The following TGM3 variants were observed in gnomAD, a reference collection of about 807,000 sequenced individuals.
TGM3 encodes the protein transglutaminase 3.
TGM3 carries 52 observed loss-of-function variants against 73.8 expected under a neutral mutation model. The observed-to-expected ratio is 0.70, with a 90% confidence interval of 0.56 to 0.89. TGM3 has a LOEUF of 0.89. TGM3 is among the 40% of genes least tolerant of loss of function. TGM3 has a pLI of 0.00. For missense variants in TGM3, 928 were observed against 909.9 expected, an observed-to-expected ratio of 1.02 and a Z score of -0.26; for synonymous variants, 372 against 354.9, an observed-to-expected ratio of 1.05 and a Z score of -0.54.
At chr20:2,326,058 T>C (rs1325771121) in intron 8 of TGM3, 106 bp downstream of exon 8, 42 of 1,117,190 alleles carry the variant, frequency 3.8e-5, no homozygotes, top group Non-Finnish European at 4.1e-5. Context: ...CTGGAATGCA[T>C]GATGGGATTA....
chr20:2,302,549 T>C (rs1337642474), intron 1 of TGM3, among the ~76,000 whole-genome samples: 5 of 152,000 alleles, frequency 3.3e-5, no homozygotes, highest in African/African-American at 1.2e-4. Flanking sequence ...CCTAGCTCTG[T>C]CCAGTCTCCT....
At chr20:2,336,351 C>T (rs2084351187) in intron 11 of TGM3, among the ~76,000 whole-genome samples, 1 of 152,130 alleles carries the variant, frequency 6.6e-6, no homozygotes, top group Non-Finnish European at 1.5e-5. Context: ...TCAAGAGCCT[C>T]ATGGGCCAGG....
At chr20:2,322,228 C>A (rs2084266271) in intron 7 of TGM3, among the ~76,000 whole-genome samples, 1 of 152,122 alleles carries the variant, frequency 6.6e-6, no homozygotes, top group Non-Finnish European at 1.5e-5. Flanking sequence ...AAATAAAAAT[C>A]ATTTCTGATC....
chr20:2,326,359 A>T (rs1032212048), intron 8 of TGM3, among the ~76,000 whole-genome samples: 1 of 152,146 alleles, frequency 6.6e-6, no homozygotes, highest in African/African-American at 2.4e-5. Context: ...CTGCCACACC[A>T]AGCTCCCCCT....
At position 2,317,113 on chromosome 20, in the gene TGM3, G is replaced by A. The variant is rs200714008; in HGVS notation, c.715G>A (p.Gly239Ser). The change falls in exon 6 of 13, where the codon GGC becomes AGC. Residue 239 changes from glycine (G) to serine (S), a missense_variant. Transcript: ENST00000381458. Reference sequence around the variant, plus strand: ...TGGTGTGCTTGCTGGGAATTGGAGCGGCACTTACACCGGTGGCCGGGACCC... The same window carrying A: ...TGGTGTGCTTGCTGGGAATTGGAGCAGCACTTACACCGGTGGCCGGGACCC... ...DNGVLAGNWS[G>S]TYTGGRDPRS... 34 of 1,613,838 alleles carry A rather than the reference G, an allele frequency of 2.1e-5. No individual in the cohort carries two copies. The highest frequency in any genetic ancestry group is 2.6e-5 in the Non-Finnish European group (31 of 1,180,002).
intron 10 of TGM3, 38 bp from the exon 11 acceptor site, chr20:2,335,078 A>G (rs757655765): frequency 6.2e-7 from 1 of 1,611,434 alleles, no homozygotes; most frequent in East Asian, 2.2e-5. Flanking sequence ...AGCCATCCCC[A>G]CTCCCCCTCA....
Position 2,311,070 on chromosome 20 carries a change from G to T in TGM3, c.481G>T (p.Gly161Cys), listed in dbSNP as rs138092626. 6.2e-7 allele frequency: 1 copy of T among 1,614,096 alleles called. No individual in the cohort carries two copies. Among genetic ancestry groups the T allele is most frequent in the South Asian group, 1.1e-5 (1 of 91,066 alleles). ...AGAAGAGTATGTTCAGGAAGATGCCGGCATCATCTTTGTGGGAAGCACAAA... is the reference window on the plus strand; with the variant it reads ...AGAAGAGTATGTTCAGGAAGATGCCTGCATCATCTTTGTGGGAAGCACAAA... ...EREEYVQEDA[G>C]IIFVGSTNRI... is the part of the protein sequence containing the mutation. The change falls in exon 4 of 13, where the codon GGC becomes TGC. Residue 161 changes from glycine (G) to cysteine (C), a missense_variant. Coordinates refer to ENST00000381458, the MANE Select transcript of TGM3 (RefSeq NM_003245.4).
At chr20:2,329,897 C>T (rs1431936107) in intron 9 of TGM3, among the ~76,000 whole-genome samples, 1 of 152,218 alleles carries the variant, frequency 6.6e-6, no homozygotes, top group Non-Finnish European at 1.5e-5. Context: ...TATAGCCTCA[C>T]TGGAACAATG....
intron 9 of TGM3, among the ~76,000 whole-genome samples, chr20:2,330,174 C>T (rs1039707147): frequency 1.3e-5 from 2 of 152,060 alleles, no homozygotes; most frequent in African/African-American, 4.8e-5. Context: ...CTCTGAGGGC[C>T]CCAGAGAGGA....
Position 2,340,580 on chromosome 20 carries a change from G to A in TGM3, c.2081G>A (p.Ter694=). The A allele has an allele frequency of 6.2e-7, 1 of 1,614,200 alleles. No individual in the cohort carries two copies. The highest frequency in any genetic ancestry group is 8.5e-7 in the Non-Finnish European group (1 of 1,180,026). The change falls in exon 13 of 13, where the codon TGA becomes TAA. Residue 694 remains the stop codon, a stop_retained_variant. Transcript: ENST00000381458. ...KAMLSIDVAE[*] ...ATGTTGTCCATCGATGTAGCCGAAT[G>A]AAGGGCGCTGGTGGCCTCCCGTACA...
At chr20:2,310,673 G>A (rs1306864021) in intron 3 of TGM3, among the ~76,000 whole-genome samples, 3 of 152,220 alleles carry the variant, frequency 2.0e-5, no homozygotes, top group Admixed American at 2.0e-4. Flanking sequence ...ATATTGTGGA[G>A]ATCACATTGA....
chr20:2,314,662 A>G (rs2084224252), intron 5 of TGM3, among the ~76,000 whole-genome samples: 1 of 151,740 alleles, frequency 6.6e-6, no homozygotes, highest in African/African-American at 2.4e-5. Flanking sequence ...TGCAGGCTGC[A>G]GTGATCTGTG....
chr20:2,316,064 A>C (rs1264717091), intron 5 of TGM3, among the ~76,000 whole-genome samples: 2 of 152,178 alleles, frequency 1.3e-5, no homozygotes, highest in Non-Finnish European at 2.9e-5. Flanking sequence ...TTCACCTGTA[A>C]ATATTTCCAA....
chr20:2,305,284 C>T (rs914673392), intron 1 of TGM3, among the ~76,000 whole-genome samples: 7 of 152,166 alleles, frequency 4.6e-5, no homozygotes, highest in African/African-American at 1.7e-4. Context: ...CAACCAGCTC[C>T]CATCCTGAGG....
chr20:2,332,916 G>A lies in TGM3; in HGVS notation c.1642+606G>A, dbSNP rs967947850. Among the ~76,000 whole-genome samples the A allele has an allele frequency of 3.3e-5, 5 of 152,192 alleles. No homozygotes were observed. Among genetic ancestry groups the A allele is most frequent in the Non-Finnish European group, 5.9e-5 (4 of 68,044 alleles). On this transcript the variant is annotated intron_variant, in intron 10 of 12. Transcript: ENST00000381458. This position sits in a 1 kb window ranked among gnomAD's most constrained non-coding sequence, Gnocchi z 4.4. Reference sequence around the variant, plus strand: ...CCCATGGCCCTCCCACAGCTGCCACGGGGTGGGTGGACCTTCTGGAATCCT... The same window carrying A: ...CCCATGGCCCTCCCACAGCTGCCACAGGGTGGGTGGACCTTCTGGAATCCT...
chr20:2,340,626 G>A lies in TGM3; in HGVS notation c.*45G>A, dbSNP rs1441083791. On this transcript the variant is annotated 3_prime_UTR_variant, in exon 13 of 13. Coordinates refer to ENST00000381458, the MANE Select transcript of TGM3 (RefSeq NM_003245.4). ...GTACAAACTTGGACAACACGGAGCA[G>A]GGAGAGCTCACCATGGAATGAACCC... 2 of 1,612,840 alleles carry A rather than the reference G, an allele frequency of 1.2e-6. No individual in the cohort carries two copies. Among genetic ancestry groups the A allele is most frequent in the Admixed American group, 1.7e-5 (1 of 59,960 alleles).
chr20:2,313,489 G>C (rs929760610), intron 5 of TGM3, among the ~76,000 whole-genome samples: 1 of 152,172 alleles, frequency 6.6e-6, no homozygotes, highest in Non-Finnish European at 1.5e-5. Context: ...TCAGATGGTA[G>C]GCTGCCTCAT....
At chr20:2,331,868 G>A in intron 9 of TGM3, 134 bp from the exon 10 acceptor site, 1 of 1,051,968 alleles carries the variant, frequency 9.5e-7, no homozygotes, top group South Asian at 1.6e-5. Flanking sequence ...CTGGAGACCT[G>A]TGAAAGTCGA....
In TGM3 at chr20:2,340,749, A is replaced by G; in HGVS notation, c.*168A>G. ...AGCACATCCCCCTCTCCTCTCCCCC[A>G]GGTTGGGGCTGGGTCCACCCTGTCC... On this transcript the variant is annotated 3_prime_UTR_variant, in exon 13 of 13. Coordinates refer to ENST00000381458, the MANE Select transcript of TGM3 (RefSeq NM_003245.4). 1.1e-6 allele frequency: 1 copy of G among 910,138 alleles called. No individual in the cohort carries two copies. The highest frequency in any genetic ancestry group is 1.7e-6 in the Non-Finnish European group (1 of 578,046). 56.4% of individuals were successfully genotyped at this position (910,138 alleles called of 1,614,324 possible).
Sources: gnomAD v4.1 joint callset for allele counts (sites outside exome capture counted in the v4.1 genomes callset) on GRCh38, gnomAD v4.1.1 for gene constraint, Gnocchi (gnomAD v3.1) non-coding constraint, MANE v1.5 for transcripts, NCBI Gene and HGNC (gene_info 2026-07-23, HGNC 2026-07-21) for gene names.